The following SAMMSON variants were observed in gnomAD, a reference collection of about 807,000 sequenced individuals.
SAMMSON encodes survival associated mitochondrial melanoma specific oncogenic non-coding RNA, also known as long intergenic non-protein coding RNA 1212.
intron 7 of SAMMSON, among the ~76,000 whole-genome samples, chr3:70,341,622 G>A (rs919025910): frequency 2.0e-5 from 3 of 152,134 alleles, no homozygotes; most frequent in Admixed American, 6.5e-5. Context: ...AAAACCTCAA[G>A]AGGCAAAGAC....
intron 2 of SAMMSON, among the ~76,000 whole-genome samples, chr3:70,429,973 G>A (rs1224458534): frequency 6.6e-6 from 1 of 152,132 alleles, no homozygotes; most frequent in Non-Finnish European, 1.5e-5. Context: ...TATCTTGCCT[G>A]ATTGCCCTGG....
intron 4 of SAMMSON, among the ~76,000 whole-genome samples, chr3:70,188,189 G>A (rs576949870): frequency 2.6e-5 from 4 of 152,118 alleles, no homozygotes; most frequent in Middle Eastern, 3.2e-3. Context: ...GTAAAGTGAG[G>A]AAGACATGGG....
At chr3:70,326,208 T>G (rs1019063763) in intron 7 of SAMMSON, among the ~76,000 whole-genome samples, 1 of 152,058 alleles carries the variant, frequency 6.6e-6, no homozygotes, top group Non-Finnish European at 1.5e-5. Context: ...CCTTATTTAC[T>G]CTCAGAGTGT....
chr3:70,307,520 A>G (rs1017748488), intron 7 of SAMMSON, among the ~76,000 whole-genome samples: 3 of 151,618 alleles, frequency 2.0e-5, no homozygotes, highest in African/African-American at 2.4e-5. Flanking sequence ...CCCAATTTCT[A>G]TGTTATAACA....
chr3:70,358,258 G>C (rs1702844503), exon 9 of SAMMSON: 2 of 151,998 alleles, frequency 1.3e-5, no homozygotes, highest in Admixed American at 1.3e-4. Flanking sequence ...CTGTAGGTTG[G>C]GAACATGACC....
intron 6 of SAMMSON, among the ~76,000 whole-genome samples, chr3:70,257,988 A>G (rs868001624): frequency 1.3e-5 from 2 of 152,242 alleles, no homozygotes; most frequent in Non-Finnish European, 2.9e-5. Context: ...ACTATGGTCA[A>G]TTGATTTTTG....
At chr3:70,045,563 T>C (rs2067123669) in intron 3 of SAMMSON, among the ~76,000 whole-genome samples, 1 of 151,900 alleles carries the variant, frequency 6.6e-6, no homozygotes, top group Admixed American at 6.6e-5. Flanking sequence ...AGTTGATATA[T>C]ATTTTCTTAA....
intron 3 of SAMMSON, among the ~76,000 whole-genome samples, chr3:70,016,110 C>G (rs534111995): frequency 2.0e-5 from 3 of 152,158 alleles, no homozygotes; most frequent in Admixed American, 6.5e-5. Flanking sequence ...AATGGTATTT[C>G]TAGTTCTAGA....
At chr3:70,147,809 T>A (rs1036730099) in intron 4 of SAMMSON, among the ~76,000 whole-genome samples, 7 of 152,018 alleles carry the variant, frequency 4.6e-5, no homozygotes, top group African/African-American at 1.7e-4. Flanking sequence ...TTGGACATCA[T>A]CAAAATTAAA....
At chr3:70,290,779 C>T (rs1702229443) in intron 6 of SAMMSON, among the ~76,000 whole-genome samples, 1 of 152,282 alleles carries the variant, frequency 6.6e-6, no homozygotes, top group South Asian at 2.1e-4. Flanking sequence ...GTTTTTTAAG[C>T]TTGTCGGAAA....
intron 7 of SAMMSON, among the ~76,000 whole-genome samples, chr3:70,329,217 A>G (rs750204090): frequency 6.6e-6 from 1 of 152,180 alleles, no homozygotes; most frequent in Non-Finnish European, 1.5e-5. Flanking sequence ...CTTTCTGAAT[A>G]AAAGTGAAGG....
In SAMMSON at chr3:70,124,879, A is replaced by G. The variant is rs553402416; in HGVS notation, n.507+53314A>G. 9.4e-5 allele frequency among the ~76,000 whole-genome samples: 14 copies of G among 148,824 alleles called. No individual in the cohort carries two copies. In the South Asian group the frequency reaches 3.0e-3, roughly 32 times the overall value. ...AAAAGAAAATAATTTATTATATTTG[A>G]GGAAGGTCATTAAAATACATATAAT... On this transcript the variant is annotated intron_variant and non_coding_transcript_variant, in intron 4 of 9. Transcript: ENST00000642114.
chr3:70,338,789 A>G (rs1473422863), intron 7 of SAMMSON, among the ~76,000 whole-genome samples: 1 of 152,148 alleles, frequency 6.6e-6, no homozygotes, highest in Non-Finnish European at 1.5e-5. Flanking sequence ...ATGCTCATGG[A>G]TAGGAAGAAA....
chr3:70,227,471 A>G (rs146501469), intron 4 of SAMMSON, among the ~76,000 whole-genome samples: 118 of 152,326 alleles, frequency 7.7e-4, no homozygotes, highest in African/African-American at 2.6e-3. Flanking sequence ...CTTTGGCAAT[A>G]TGGAGGTCAT....
chr3:70,420,252 T>C (rs1275358844), intron 2 of SAMMSON, among the ~76,000 whole-genome samples: 1 of 152,186 alleles, frequency 6.6e-6, no homozygotes, highest in African/African-American at 2.4e-5. Flanking sequence ...CTGAGTGTCA[T>C]GGAACTCATT....
At chr3:70,374,142 G>A (rs915278263) in intron 9 of SAMMSON, among the ~76,000 whole-genome samples, 9 of 152,106 alleles carry the variant, frequency 5.9e-5, no homozygotes, top group African/African-American at 9.7e-5. Flanking sequence ...TCAAACTCCC[G>A]ACCTCAGGGG....
chr3:70,297,866 A>G lies in SAMMSON; in HGVS notation n.739+6623A>G, dbSNP rs570608980. ...TACAATTGAATTTAATTCATGATTG[A>G]AAAGTACAGTTGATGCATAATGGCT... On this transcript the variant is annotated intron_variant and non_coding_transcript_variant, in intron 7 of 9. Coordinates refer to ENST00000642114, the Ensembl canonical transcript of SAMMSON. 3.5e-4 allele frequency among the ~76,000 whole-genome samples: 53 copies of G among 152,298 alleles called. No individual in the cohort carries two copies. In the South Asian group the frequency reaches 3.5e-3, roughly 10 times the overall value.
intron 9 of SAMMSON, among the ~76,000 whole-genome samples, chr3:70,370,297 A>G (rs1702955963): frequency 6.6e-6 from 1 of 152,042 alleles, no homozygotes; most frequent in African/African-American, 2.4e-5. Context: ...TCCCTTTGAT[A>G]TACGGATTTC....
intron 3 of SAMMSON, among the ~76,000 whole-genome samples, chr3:70,017,366 A>G (rs2066990488): frequency 6.6e-6 from 1 of 152,010 alleles, no homozygotes; most frequent in South Asian, 2.1e-4. Context: ...ATGGGAGTTC[A>G]CTCATGATTT....
Sources: gnomAD v4.1 joint callset for allele counts (sites outside exome capture counted in the v4.1 genomes callset) on GRCh38, gnomAD v4.1.1 for gene constraint, MANE v1.5 for transcripts, NCBI Gene and HGNC (gene_info 2026-07-23, HGNC 2026-07-21) for gene names.